Variants in RAD51B observed in about 807,000 individuals in gnomAD.
RAD51B encodes RAD51 paralog B.
A neutral mutation model predicts 42.2 loss-of-function variants in RAD51B; 38 were observed. That is an observed-to-expected ratio of 0.90 (90% CI 0.70 to 1.18). RAD51B has a LOEUF of 1.18. Among genes scored for constraint, RAD51B ranks in the 50% most tolerant of loss-of-function variants. The pLI, the probability that RAD51B is intolerant of heterozygous loss-of-function variation, is 0.00. For missense variants in RAD51B, 373 were observed against 400.7 expected, an observed-to-expected ratio of 0.93 and a Z score of 0.59; for synonymous variants, 154 against 145.2, an observed-to-expected ratio of 1.06 and a Z score of -0.43.
intron 7 of RAD51B, among the ~76,000 whole-genome samples, chr14:68,198,347 A>G (rs1159524796): frequency 1.3e-5 from 2 of 152,176 alleles, no homozygotes; most frequent in Non-Finnish European, 2.9e-5. Flanking sequence ...CTGAGGCTTT[A>G]TACTAAGTCT....
chr14:67,823,968 T>C (rs962577163), intron 2 of RAD51B, among the ~76,000 whole-genome samples: 8 of 152,256 alleles, frequency 5.3e-5, no homozygotes, highest in Non-Finnish European at 7.3e-5. Flanking sequence ...AAGAAATTAA[T>C]AGACCATTTT....
At chr14:68,433,073 G>T (rs1445537701) in intron 9 of RAD51B, among the ~76,000 whole-genome samples, 1 of 152,150 alleles carries the variant, frequency 6.6e-6, no homozygotes, top group Non-Finnish European at 1.5e-5. Context: ...TTGAATATTG[G>T]CCCCCACTCT....
chr14:68,179,877 G>T (rs993871727), intron 7 of RAD51B, among the ~76,000 whole-genome samples: 1 of 152,168 alleles, frequency 6.6e-6, no homozygotes, highest in Non-Finnish European at 1.5e-5. Flanking sequence ...CATGGGAGAT[G>T]TGAATGGCTT....
At chr14:68,014,927 C>A (rs1320359857) in intron 7 of RAD51B, among the ~76,000 whole-genome samples, 1 of 150,774 alleles carries the variant, frequency 6.6e-6, no homozygotes, top group Non-Finnish European at 1.5e-5. Context: ...GAGTGCCAAA[C>A]CCTACCCACT....
chr14:68,452,902 A>G (rs2085593669), intron 9 of RAD51B, among the ~76,000 whole-genome samples: 1 of 152,178 alleles, frequency 6.6e-6, no homozygotes, highest in African/African-American at 2.4e-5. Context: ...ACCAGATCTA[A>G]GGTGTGTTAC....
At chr14:68,227,697 G>T (rs1005330177) in intron 7 of RAD51B, among the ~76,000 whole-genome samples, 4 of 152,066 alleles carry the variant, frequency 2.6e-5, no homozygotes, top group Admixed American at 1.3e-4. Context: ...GTCAACTGGG[G>T]TATATTTCTG....
At chr14:68,354,166 A>T (rs563843418) in intron 8 of RAD51B, among the ~76,000 whole-genome samples, 3 of 151,010 alleles carry the variant, frequency 2.0e-5, no homozygotes, top group East Asian at 3.9e-4. Flanking sequence ...TGTGTATATT[A>T]TAAGAACTTT....
At chr14:67,923,884 A>G (rs2044415685) in intron 7 of RAD51B, among the ~76,000 whole-genome samples, 2 of 152,174 alleles carry the variant, frequency 1.3e-5, no homozygotes, top group Admixed American at 1.3e-4. Flanking sequence ...TCATGCCAAT[A>G]TCTATTATAC....
intron 7 of RAD51B, among the ~76,000 whole-genome samples, chr14:68,180,872 AG>A (rs1306418328): frequency 1.3e-5 from 2 of 152,234 alleles, no homozygotes; most frequent in African/African-American, 4.8e-5. Flanking sequence ...TGGCAAGGTT[AG>A]AGCCTGCCAG....
intron 7 of RAD51B, among the ~76,000 whole-genome samples, chr14:68,062,814 C>CAAAAAAAAAAAA (rs962527138): frequency 2.5e-5 from 1 of 39,798 alleles, no homozygotes; most frequent in Non-Finnish European, 5.4e-5. Flanking sequence ...GACTCTGTGA[C>CAAAAAAAAAAAA]AAAAAAAAAA....
At chr14:68,133,589 G>A (rs1378653328) in intron 7 of RAD51B, among the ~76,000 whole-genome samples, 3 of 151,676 alleles carry the variant, frequency 2.0e-5, no homozygotes, top group Non-Finnish European at 4.4e-5. Context: ...CTCCTGCCTC[G>A]GCCTCCTGAG....
intron 4 of RAD51B, among the ~76,000 whole-genome samples, chr14:67,861,978 G>T (rs1357909212): frequency 6.6e-6 from 1 of 151,950 alleles, no homozygotes; most frequent in Non-Finnish European, 1.5e-5. Flanking sequence ...CAGTCAGTGG[G>T]GGGGAAGGGG....
chr14:67,905,412 A>G (rs1381916359), intron 7 of RAD51B, among the ~76,000 whole-genome samples: 3 of 152,044 alleles, frequency 2.0e-5, no homozygotes, highest in South Asian at 2.1e-4. Context: ...TTCAGGTTCT[A>G]TATGAATTTT....
At chr14:68,669,138 T>G (rs1893097873) in intron 11 of RAD51B, among the ~76,000 whole-genome samples, 1 of 152,216 alleles carries the variant, frequency 6.6e-6, no homozygotes, top group South Asian at 2.1e-4. Flanking sequence ...TGGATGTGGG[T>G]GGGACTGCTT....
chr14:68,523,787 A>G (rs1040689601), intron 10 of RAD51B, among the ~76,000 whole-genome samples: 11 of 152,184 alleles, frequency 7.2e-5, no homozygotes, highest in African/African-American at 2.7e-4. Context: ...TGTATTTTCT[A>G]TCTGTGTTTG....
intron 10 of RAD51B, among the ~76,000 whole-genome samples, chr14:68,521,297 G>A (rs1886560002): frequency 6.6e-6 from 1 of 152,154 alleles, no homozygotes; most frequent in African/African-American, 2.4e-5. Context: ...GGACCTCCAG[G>A]TCCTGACTCC....
intron 7 of RAD51B, among the ~76,000 whole-genome samples, chr14:68,285,459 A>T (rs2081396088): frequency 1.3e-5 from 2 of 152,202 alleles, no homozygotes; most frequent in South Asian, 4.1e-4. Flanking sequence ...TCACTTTGAA[A>T]GCATTGGATT....
intron 10 of RAD51B, among the ~76,000 whole-genome samples, chr14:68,515,628 T>A (rs1886090929): frequency 6.6e-6 from 1 of 151,284 alleles, no homozygotes; most frequent in East Asian, 1.9e-4. Context: ...TTTTTTTCTT[T>A]TAGAGATGGG....
At chr14:68,500,721 G>T (rs779271391) in intron 10 of RAD51B, among the ~76,000 whole-genome samples, 3 of 152,164 alleles carry the variant, frequency 2.0e-5, no homozygotes, top group South Asian at 2.1e-4. Flanking sequence ...GGGCTCTAAG[G>T]TCCTTTCTTC....
Sources: gnomAD v4.1 joint callset for allele counts (sites outside exome capture counted in the v4.1 genomes callset) on GRCh38, gnomAD v4.1.1 for gene constraint, MANE v1.5 for transcripts, NCBI Gene and HGNC (gene_info 2026-07-23, HGNC 2026-07-21) for gene names.